WDR70: variants seen among roughly 807,000 people sequenced by gnomAD.
WDR70 encodes WD repeat domain 70.
WDR70 carries 53 observed loss-of-function variants against 88.6 expected under a neutral mutation model. That is an observed-to-expected ratio of 0.60 (90% CI 0.48 to 0.75). The LOEUF is 0.75. WDR70 is among the 30% of genes least tolerant of loss of function. The pLI is 0.00. For synonymous variants in WDR70, 280 were observed against 270.0 expected, an observed-to-expected ratio of 1.04 and a Z score of -0.36; for missense variants, 610 against 823.2, an observed-to-expected ratio of 0.74 and a Z score of 3.17.
intron 10 of WDR70, among the ~76,000 whole-genome samples, chr5:37,661,539 T>C (rs967815984): frequency 2.6e-5 from 4 of 152,230 alleles, no homozygotes; most frequent in Non-Finnish European, 4.4e-5. Flanking sequence ...GCCAGCTGTG[T>C]GGGAGACTGG....
chr5:37,387,054 G>A (rs1468892122), intron 3 of WDR70, among the ~76,000 whole-genome samples: 2 of 151,352 alleles, frequency 1.3e-5, no homozygotes, highest in South Asian at 2.1e-4. Flanking sequence ...AGCCTAGATC[G>A]TGCCATTGCA....
At chr5:37,477,615 A>C (rs1433367709) in intron 7 of WDR70, among the ~76,000 whole-genome samples, 2 of 152,204 alleles carry the variant, frequency 1.3e-5, no homozygotes, top group African/African-American at 4.8e-5. Flanking sequence ...TAACAGTCAC[A>C]GCCAAACTGG....
chr5:37,709,984 A>G (rs577537684), intron 13 of WDR70, among the ~76,000 whole-genome samples: 1 of 152,288 alleles, frequency 6.6e-6, no homozygotes, highest in African/African-American at 2.4e-5. Context: ...TCATTCACCT[A>G]GAGGTATCAT....
At chr5:37,383,423 C>A (rs1748495277) in intron 3 of WDR70, among the ~76,000 whole-genome samples, 1 of 151,962 alleles carries the variant, frequency 6.6e-6, no homozygotes, top group African/African-American at 2.4e-5. Flanking sequence ...CCACGCCTGG[C>A]TAATTTTTTT....
At chr5:37,501,068 G>A (rs911138121) in intron 8 of WDR70, among the ~76,000 whole-genome samples, 4 of 152,086 alleles carry the variant, frequency 2.6e-5, no homozygotes, top group African/African-American at 9.7e-5. Context: ...CTTTTGAGAA[G>A]TGTCTTCATG....
At chr5:37,627,808 A>G (rs964578531) in intron 10 of WDR70, among the ~76,000 whole-genome samples, 15 of 152,150 alleles carry the variant, frequency 9.9e-5, no homozygotes, top group African/African-American at 1.9e-4. Flanking sequence ...TGATTTTTAA[A>G]AATTTATTGA....
chr5:37,739,118 G>A (rs1253361184), intron 17 of WDR70, among the ~76,000 whole-genome samples: 2 of 152,164 alleles, frequency 1.3e-5, no homozygotes, highest in Admixed American at 1.3e-4. Flanking sequence ...GAAAATGCAA[G>A]GTTCACATCA....
At chr5:37,627,530 G>C (rs1255854101) in intron 10 of WDR70, among the ~76,000 whole-genome samples, 1 of 151,718 alleles carries the variant, frequency 6.6e-6, no homozygotes, top group Non-Finnish European at 1.5e-5. Context: ...TTTTTTATTT[G>C]AAATCTTTTT....
At chr5:37,438,148 C>T (rs779644032) in intron 6 of WDR70, among the ~76,000 whole-genome samples, 167 bp downstream of exon 6, 2 of 152,082 alleles carry the variant, frequency 1.3e-5, no homozygotes, top group Non-Finnish European at 2.9e-5. Context: ...GTCAAAATAG[C>T]CATTTCCTTT....
chr5:37,697,263 A>G (rs1297370551), intron 10 of WDR70, among the ~76,000 whole-genome samples: 1 of 152,244 alleles, frequency 6.6e-6, no homozygotes, highest in Non-Finnish European at 1.5e-5. Context: ...TTTGGGGTAA[A>G]TAAATAATGT....
At chr5:37,407,348 C>G (rs968263222) in intron 5 of WDR70, among the ~76,000 whole-genome samples, 2 of 152,058 alleles carry the variant, frequency 1.3e-5, no homozygotes, top group African/African-American at 4.8e-5. Flanking sequence ...CATGGCGAAA[C>G]CCCATCTTTA....
chr5:37,741,113 G>A (rs1748459806), intron 17 of WDR70, among the ~76,000 whole-genome samples: 1 of 152,116 alleles, frequency 6.6e-6, no homozygotes, highest in Non-Finnish European at 1.5e-5. Flanking sequence ...ATCACAGATG[G>A]TTTGAGAAGC....
At chr5:37,563,035 C>T (rs1194250218) in intron 9 of WDR70, among the ~76,000 whole-genome samples, 11 of 118,344 alleles carry the variant, frequency 9.3e-5, no homozygotes, top group East Asian at 4.9e-4. Context: ...CGGGCAGAGG[C>T]GCCCCTCACC....
chr5:37,722,785 A>G, intron 14 of WDR70, 70 bp from the exon 15 acceptor site: 1 of 1,445,890 alleles, frequency 6.9e-7, no homozygotes. Flanking sequence ...AAAGTATCTC[A>G]TGTTTTCAAC....
intron 13 of WDR70, among the ~76,000 whole-genome samples, chr5:37,706,758 C>T (rs1257706338): frequency 3.9e-5 from 6 of 151,934 alleles, no homozygotes; most frequent in Non-Finnish European, 8.8e-5. Context: ...CTCACACTCA[C>T]ACTCTCTCTC....
At chr5:37,397,152 A>C (rs187005921) in intron 5 of WDR70, among the ~76,000 whole-genome samples, 4,480 of 74,926 alleles carry the variant, frequency 0.06, 79 homozygotes, top group Middle Eastern at 0.16. Context: ...GCCCCCCCCA[A>C]CCCCCCCGCA....
At chr5:37,483,938 G>A (rs558609517) in intron 8 of WDR70, among the ~76,000 whole-genome samples, 5 of 150,656 alleles carry the variant, frequency 3.3e-5, no homozygotes, top group African/African-American at 1.2e-4. Flanking sequence ...GGGCAGAGGC[G>A]CTCCTCACAT....
intron 9 of WDR70, among the ~76,000 whole-genome samples, chr5:37,536,201 G>T (rs892838761): frequency 3.3e-5 from 5 of 152,048 alleles, no homozygotes; most frequent in Non-Finnish European, 7.4e-5. Flanking sequence ...TTAGCAATCT[G>T]TTATTTCTTT....
chr5:37,703,383 A>G (rs1747222601), intron 13 of WDR70, among the ~76,000 whole-genome samples: 1 of 152,230 alleles, frequency 6.6e-6, no homozygotes, highest in Admixed American at 6.5e-5. Context: ...GGATACAGAA[A>G]GGAGCATCCC....
Sources: allele counts gnomAD v4.1 joint callset (sites outside exome capture counted in the v4.1 genomes callset), GRCh38; gene constraint gnomAD v4.1.1; transcripts MANE v1.5; gene names NCBI Gene and HGNC (gene_info 2026-07-23, HGNC 2026-07-21).